Variants in TBX5 observed in about 807,000 individuals in gnomAD.
The protein encoded by TBX5 is T-box transcription factor TBX5.
TBX5 carries 8 observed loss-of-function variants against 51.1 expected under a neutral mutation model. That is an observed-to-expected ratio of 0.16 (90% confidence interval 0.09 to 0.28). TBX5 has a LOEUF of 0.28. Among genes scored for constraint, TBX5 ranks in the 10% least tolerant of loss-of-function variants. The pLI, the probability that TBX5 is intolerant of heterozygous loss-of-function variation, is 1.00. For missense variants in TBX5, 589 were observed against 671.7 expected, an observed-to-expected ratio of 0.88 and a Z score of 1.36; for synonymous variants, 302 against 266.4, an observed-to-expected ratio of 1.13 and a Z score of -1.30.
At chr12:114,387,976 A>G (rs1362578784) in intron 6 of TBX5, among the ~76,000 whole-genome samples, 1 of 152,176 alleles carries the variant, frequency 6.6e-6, no homozygotes, top group Non-Finnish European at 1.5e-5. Flanking sequence ...AGCTGGGACC[A>G]CAGGCATGCA....
At chr12:114,392,865 C>T (rs575972165) in intron 6 of TBX5, among the ~76,000 whole-genome samples, 1 of 152,292 alleles carries the variant, frequency 6.6e-6, no homozygotes, top group South Asian at 2.1e-4. Flanking sequence ...CGGTTTTGCT[C>T]TTGCTGGTTC....
intron 7 of TBX5, among the ~76,000 whole-genome samples, chr12:114,381,225 G>A (rs1342190853): frequency 1.3e-5 from 2 of 152,220 alleles, no homozygotes; most frequent in African/African-American, 2.4e-5. Flanking sequence ...GCAAGGTAAT[G>A]CTTAACTCTC....
Position 114,355,574 on chromosome 12 carries a change from C to T in TBX5, c.1515G>A (p.Val505=), listed in dbSNP as rs1249736075. The change falls in exon 9 of 9, where the codon GTG becomes GTA. Residue 505 remains valine (V), a synonymous_variant. Transcript: ENST00000405440. ...RTLSPHQYHS[V]HGVGMVPEWS... ...ACTCTGGCACCATGCCAACTCCGTG[C>T]ACAGAGTGGTACTGATGAGGGGATA... is the stretch of plus-strand genomic sequence containing the variant. 8 of 1,614,082 alleles carry T rather than the reference C, an allele frequency of 5.0e-6. No homozygotes were observed.
At chr12:114,398,871 G>T in intron 4 of TBX5, 151 bp from the exon 5 acceptor site, 1 of 988,918 alleles carries the variant, frequency 1.0e-6, no homozygotes, top group Non-Finnish European at 1.5e-6. Flanking sequence ...TTAGGTATCT[G>T]CAATCCCAGC....
intron 3 of TBX5, among the ~76,000 whole-genome samples, chr12:114,401,022 C>A (rs937675506): frequency 2.0e-5 from 3 of 152,080 alleles, no homozygotes; most frequent in Admixed American, 6.5e-5. Context: ...TTGCGGGACG[C>A]GGAAGACCCG....
At chr12:114,383,301 G>A (rs1467220970) in intron 7 of TBX5, among the ~76,000 whole-genome samples, 1 of 152,212 alleles carries the variant, frequency 6.6e-6, no homozygotes, top group African/African-American at 2.4e-5. Flanking sequence ...GGCCTGGTGA[G>A]AAGGAGGGAA....
At chr12:114,404,310 T>C (rs1872051798) in intron 1 of TBX5, among the ~76,000 whole-genome samples, 1 of 152,240 alleles carries the variant, frequency 6.6e-6, no homozygotes, top group African/African-American at 2.4e-5. Flanking sequence ...TGGAAGCCAC[T>C]GGGTAGGAAC....
At chr12:114,398,786 C>T in intron 4 of TBX5, 66 bp from the exon 5 acceptor site, 3 of 1,550,756 alleles carry the variant, frequency 1.9e-6, no homozygotes, top group South Asian at 1.2e-5. Context: ...TGCACCGAAG[C>T]GTGCTTCAGT....
At chr12:114,398,859 C>T in intron 4 of TBX5, 139 bp from the exon 5 acceptor site, 1 of 1,079,036 alleles carries the variant, frequency 9.3e-7, no homozygotes. Flanking sequence ...CTCCCGTCTC[C>T]CTTAGGTATC....
chr12:114,394,625 G>A (rs546997847), intron 6 of TBX5, 116 bp downstream of exon 6: 45 of 1,425,176 alleles, frequency 3.2e-5, no homozygotes, highest in Non-Finnish European at 3.8e-5. Flanking sequence ...CCCTGGGGTC[G>A]AAGTTGGTGA....
Position 114,355,586 on chromosome 12 carries a change from C to T in TBX5, c.1503G>A (p.Gln501=). The change falls in exon 9 of 9, where the codon CAG becomes CAA. Residue 501 remains glutamine, a synonymous_variant. Transcript: ENST00000405440. ...TGCCAACTCCGTGCACAGAGTGGTA[C>T]TGATGAGGGGATAGAGTCCTTGGCA... ...HGVPRTLSPH[Q]YHSVHGVGMV... 2 of 1,614,178 alleles carry T rather than the reference C, an allele frequency of 1.2e-6. No homozygotes were observed. The highest frequency in any genetic ancestry group is 1.7e-6 in the Non-Finnish European group (2 of 1,180,048).
intron 1 of TBX5, 57 bp downstream of exon 1, chr12:114,405,571 C>G: frequency 2.6e-6 from 1 of 383,644 alleles, no homozygotes; most frequent in Non-Finnish European, 3.6e-6. Flanking sequence ...CCGCCCCAGC[C>G]GACTCGGCCG....
chr12:114,394,385 T>C (rs1871308009), intron 6 of TBX5, among the ~76,000 whole-genome samples: 1 of 152,060 alleles, frequency 6.6e-6, no homozygotes, highest in African/African-American at 2.4e-5. Flanking sequence ...TGCCCAGAAA[T>C]GAAATGGCAG....
chr12:114,359,794 T>G (rs1222187094), intron 8 of TBX5, among the ~76,000 whole-genome samples: 1 of 152,218 alleles, frequency 6.6e-6, no homozygotes, highest in Non-Finnish European at 1.5e-5. Context: ...AGTTCTTGAT[T>G]GTAAATGGAG....
At chr12:114,390,841 T>C (rs1212702786) in intron 6 of TBX5, among the ~76,000 whole-genome samples, 4 of 152,214 alleles carry the variant, frequency 2.6e-5, no homozygotes. Context: ...ACAACTGCAG[T>C]GAAAACTTTA....
chr12:114,360,808 TTTG>T (rs1022044506), intron 8 of TBX5, among the ~76,000 whole-genome samples: 4 of 152,018 alleles, frequency 2.6e-5, no homozygotes, highest in African/African-American at 4.8e-5. Context: ...TGTTGTTGTT[TTTG>T]TTGTTGTTGT....
intron 6 of TBX5, 124 bp from the exon 7 acceptor site, chr12:114,385,691 A>G (rs1870775275): frequency 8.6e-6 from 7 of 810,272 alleles, no homozygotes; most frequent in Non-Finnish European, 1.5e-5. Context: ...GAAGCAAATT[A>G]AGCCAGTCAC....
intron 6 of TBX5, among the ~76,000 whole-genome samples, chr12:114,387,439 C>A (rs1456495459): frequency 6.6e-6 from 1 of 152,186 alleles, no homozygotes; most frequent in Non-Finnish European, 1.5e-5. Context: ...ATGATTCCAA[C>A]TATACAACAC....
chr12:114,402,816 GA>G (rs5801054), intron 2 of TBX5, among the ~76,000 whole-genome samples: 80,572 of 149,946 alleles, frequency 0.54, 23,514 homozygotes, highest in East Asian at 0.96. Flanking sequence ...TTCCTTAAAA[GA>G]AAAAAAAAAA....
Sources: allele counts gnomAD v4.1 joint callset (sites outside exome capture counted in the v4.1 genomes callset), GRCh38; gene constraint gnomAD v4.1.1; transcripts MANE v1.5; gene names NCBI Gene and HGNC (gene_info 2026-07-23, HGNC 2026-07-21).